STPG2: variants seen among roughly 807,000 people sequenced by gnomAD.
STPG2 encodes sperm-tail PG-rich repeat-containing protein 2.
STPG2 carries 56 observed loss-of-function variants against 54.2 expected under a neutral mutation model. The observed-to-expected ratio is 1.03, with a 90% CI of 0.83 to 1.29. The LOEUF (loss-of-function observed/expected upper bound fraction) is 1.29. Among genes scored for constraint, STPG2 ranks in the 50% most tolerant of loss-of-function variants. The pLI is 0.00. For synonymous variants in STPG2, 200 were observed against 181.8 expected (o/e 1.10, Z -0.81); for missense variants, 596 against 544.9 (o/e 1.09, Z -0.93).
intron 10 of STPG2, among the ~76,000 whole-genome samples, chr4:97,592,386 A>T (rs1052942992): frequency 1.3e-5 from 2 of 152,220 alleles, no homozygotes; most frequent in African/African-American, 4.8e-5. Flanking sequence ...GCCCATGCCA[A>T]TATGTTTTTT....
intron 10 of STPG2, among the ~76,000 whole-genome samples, chr4:97,637,573 T>A (rs1721600840): frequency 6.6e-6 from 1 of 152,210 alleles, no homozygotes; most frequent in Non-Finnish European, 1.5e-5. Context: ...GCTGATGACA[T>A]GATTGTATAT....
At chr4:98,015,710 T>C (rs1735921645) in intron 5 of STPG2, among the ~76,000 whole-genome samples, 1 of 152,214 alleles carries the variant, frequency 6.6e-6, no homozygotes, top group Non-Finnish European at 1.5e-5. Flanking sequence ...TTACTGGGTA[T>C]ATACTCAAAG....
At position 97,807,640 on chromosome 4, in the gene STPG2, A is replaced by G. The variant is rs1727611592; in HGVS notation, c.1204+33133T>C. ...GAAACATGGGGGAACAAAAGGATAGAAAATGAAAAAGTTGTAAGAGGAAAA... is the reference window on the plus strand; with the variant it reads ...GAAACATGGGGGAACAAAAGGATAGGAAATGAAAAAGTTGTAAGAGGAAAA... On this transcript the variant is annotated intron_variant, in intron 9 of 10. Coordinates refer to ENST00000295268, the MANE Select transcript of STPG2 (RefSeq NM_174952.3). Among the ~76,000 whole-genome samples the G allele has an allele frequency of 2.0e-5, 3 of 152,076 alleles. No homozygotes were observed. The South Asian group carries it at 6.2e-4, about 31-fold the overall frequency.
intron 8 of STPG2, among the ~76,000 whole-genome samples, chr4:97,934,498 T>C (rs1431994368): frequency 6.6e-6 from 1 of 152,364 alleles, no homozygotes; most frequent in South Asian, 2.1e-4. Flanking sequence ...GCTGCAGGTA[T>C]GCCATAAATG....
rs184990912 is a variant in STPG2 at position 97,972,674 on chromosome 4, T to C, written c.773-234A>G. On this transcript the variant is annotated intron_variant, in intron 6 of 10. Coordinates refer to ENST00000295268, the MANE Select transcript of STPG2 (RefSeq NM_174952.3). ...CCCACCCAAATCTCAGCTTGAATTG[T>C]AATTCCCACAATTCCATGGGAGGAA... Among the ~76,000 whole-genome samples the C allele has an allele frequency of 2.0e-3, 311 of 152,338 alleles. 1 individual carries two copies. Among genetic ancestry groups the C allele is most frequent in the African/African-American group, 7.1e-3 (295 of 41,568 alleles).
In STPG2 at chr4:97,736,086, T is replaced by G. The variant is rs1428476132; in HGVS notation, c.1205-23272A>C. On this transcript the variant is annotated intron_variant, in intron 9 of 10. Transcript: ENST00000295268. ...AGAAAGGAGAACCCTTATACACTGT[T>G]GGTGGAAATGTAGATTGGTACAGCC... Among the ~76,000 whole-genome samples, 3 of 152,226 alleles carry G rather than the reference T, an allele frequency of 2.0e-5. No individual in the cohort carries two copies. In the East Asian group the frequency reaches 5.8e-4, roughly 29 times the overall value.
intron 4 of STPG2, among the ~76,000 whole-genome samples, chr4:97,499,370 A>G (rs1252843224): frequency 1.3e-5 from 2 of 152,052 alleles, no homozygotes; most frequent in African/African-American, 2.4e-5. Context: ...TGTTTACTCA[A>G]CCATTCTTAA....
At chr4:97,915,318 A>G (rs572643018) in intron 8 of STPG2, among the ~76,000 whole-genome samples, 1 of 152,272 alleles carries the variant, frequency 6.6e-6, no homozygotes, top group Non-Finnish European at 1.5e-5. Context: ...CAAGTGTTTT[A>G]CCCAATCACT....
At chr4:97,834,969 TA>T (rs1317552298) in intron 9 of STPG2, among the ~76,000 whole-genome samples, 1 of 151,996 alleles carries the variant, frequency 6.6e-6, no homozygotes, top group Non-Finnish European at 1.5e-5. Context: ...GGTTCTCTTA[TA>T]AAAGGGAGGG....
intron 5 of STPG2, chr4:98,048,494 T>G (rs1375075759): frequency 6.5e-6 from 1 of 154,490 alleles, no homozygotes; most frequent in Admixed American, 6.5e-5. Context: ...CCTGCTGCAG[T>G]GCTCATCCTG....
Position 97,467,793 on chromosome 4 carries a change from T to C in STPG2, c.462+244906A>G, listed in dbSNP as rs890220582. Among the ~76,000 whole-genome samples the C allele has an allele frequency of 4.0e-5, 6 of 151,144 alleles. No homozygotes were observed. In the South Asian group the frequency reaches 1.0e-3, roughly 26 times the overall value. On this transcript the variant is annotated intron_variant, in intron 4 of 4. Coordinates refer to the STPG2 transcript ENST00000522676. ...ACACTACCAGGTACTCTATAAGTCA[T>C]CTCATAGTTTGAGTAAGAATATGGC...
intron 10 of STPG2, among the ~76,000 whole-genome samples, chr4:97,703,812 G>A (rs912561781): frequency 1.2e-4 from 17 of 147,524 alleles, no homozygotes; most frequent in African/African-American, 2.3e-4. Context: ...GTGTGTGTGT[G>A]TATATATACA....
chr4:97,670,788 G>T (rs1250222046), intron 10 of STPG2, among the ~76,000 whole-genome samples: 1 of 152,184 alleles, frequency 6.6e-6, no homozygotes, highest in Non-Finnish European at 1.5e-5. Flanking sequence ...TGACACATTA[G>T]ATAACCATAT....
At chr4:97,694,589 A>G (rs759809339) in intron 10 of STPG2, among the ~76,000 whole-genome samples, 3 of 151,838 alleles carry the variant, frequency 2.0e-5, no homozygotes, top group Non-Finnish European at 4.4e-5. Flanking sequence ...CGGGTGGATC[A>G]TGAGGTCAGG....
At chr4:97,566,217 C>G (rs1263361019) in intron 10 of STPG2, among the ~76,000 whole-genome samples, 1 of 152,164 alleles carries the variant, frequency 6.6e-6, no homozygotes, top group Non-Finnish European at 1.5e-5. Context: ...AGTGATACTC[C>G]ATGGGCATAG....
chr4:97,618,795 G>T (rs1733934998), intron 10 of STPG2, among the ~76,000 whole-genome samples: 1 of 152,246 alleles, frequency 6.6e-6, no homozygotes, highest in East Asian at 1.9e-4. Flanking sequence ...CTCTTTTGTT[G>T]TTAGGTAAGT....
chr4:97,926,463 T>G (rs116103538), intron 8 of STPG2, among the ~76,000 whole-genome samples: 1 of 152,266 alleles, frequency 6.6e-6, no homozygotes, highest in African/African-American at 2.4e-5. Context: ...ATAGAAATGC[T>G]TTTATATCTC....
intron 4 of STPG2, among the ~76,000 whole-genome samples, chr4:97,553,185 G>A (rs1185719208): frequency 2.0e-5 from 3 of 152,180 alleles, no homozygotes; most frequent in Non-Finnish European, 4.4e-5. Context: ...TGGGAGATAA[G>A]TGGCTAAACT....
chr4:97,469,997 T>G (rs1161069042), intron 4 of STPG2, among the ~76,000 whole-genome samples: 1 of 152,090 alleles, frequency 6.6e-6, no homozygotes, highest in Admixed American at 6.6e-5. Flanking sequence ...AATAAAGAAA[T>G]AGAAATTTAC....
Sources: gnomAD v4.1 joint callset for allele counts (sites outside exome capture counted in the v4.1 genomes callset) on GRCh38, gnomAD v4.1.1 for gene constraint, MANE v1.5 for transcripts, NCBI Gene and HGNC (gene_info 2026-07-23, HGNC 2026-07-21) for gene names.